Variants in ADGRE3 observed in about 807,000 individuals in gnomAD.
ADGRE3 encodes adhesion G protein-coupled receptor E3.
Under a neutral mutation model 80.1 loss-of-function variants are expected in ADGRE3, and 88 were observed. That is an observed-to-expected ratio of 1.10 (90% CI 0.93 to 1.31). ADGRE3 has a LOEUF of 1.31. Among genes scored for constraint, ADGRE3 ranks in the 40% most tolerant of loss-of-function variants. The pLI is 0.00. For missense variants in ADGRE3, 715 were observed against 776.5 expected (o/e 0.92, Z 0.94); for synonymous variants, 281 against 294.8 (o/e 0.95, Z 0.48).
chr19:14,617,341 C>CCTCCCTCCCTCTCTCT, downstream of ADGRE3, among the ~76,000 whole-genome samples: 3 of 57,170 alleles, frequency 5.2e-5, no homozygotes, highest in Non-Finnish European at 7.3e-5. Flanking sequence ...TCCCTCCCTC[C>CCTCCCTCCCTCTCTCT]CTTTCTTTCT....
At chr19:14,665,936 G>GTATATATATGTATATATA (rs71166783) in intron 2 of ADGRE3, among the ~76,000 whole-genome samples, 7 of 42,098 alleles carry the variant, frequency 1.7e-4, no homozygotes, top group African/African-American at 8.0e-4. Flanking sequence ...ACACATATGT[G>GTATATATATGTATATATA]TATATATATA....
intron 9 of ADGRE3, among the ~76,000 whole-genome samples, chr19:14,642,759 T>C (rs1042475225): frequency 1.3e-5 from 2 of 152,224 alleles, no homozygotes; most frequent in African/African-American, 4.8e-5. Context: ...TCTCATTCTT[T>C]TTTATGGCTG....
chr19:14,648,634 T>C (rs1389916640), intron 7 of ADGRE3, among the ~76,000 whole-genome samples: 1 of 152,186 alleles, frequency 6.6e-6, no homozygotes, highest in Non-Finnish European at 1.5e-5. Flanking sequence ...CATGAAGGTG[T>C]TTTAAAGATG....
chr19:14,653,745 T>C (rs1971669493), intron 6 of ADGRE3, among the ~76,000 whole-genome samples: 1 of 151,772 alleles, frequency 6.6e-6, no homozygotes, highest in Non-Finnish European at 1.5e-5. Context: ...GCTAATATTA[T>C]CCTCATTTTA....
At chr19:14,629,578 T>C (rs1970823323) in intron 14 of ADGRE3, among the ~76,000 whole-genome samples, 2 of 151,866 alleles carry the variant, frequency 1.3e-5, no homozygotes, top group Non-Finnish European at 2.9e-5. Context: ...TGCTGGGGAG[T>C]TGCTCCCCCT....
the ADGRE3 span, among the ~76,000 whole-genome samples, chr19:14,605,087 C>T: frequency 6.6e-6 from 1 of 151,378 alleles, no homozygotes; most frequent in Non-Finnish European, 1.5e-5. Context: ...AATCCCAGCA[C>T]TTTGACCTCC....
chr19:14,662,483 T>TCAAGCGATTCTCCTGCCTC (rs1324289422), intron 3 of ADGRE3, among the ~76,000 whole-genome samples: 1 of 152,068 alleles, frequency 6.6e-6, no homozygotes. Flanking sequence ...CCTCCTGAGT[T>TCAAGCGATTCTCCTGCCTC]CAAGCGATTC....
the ADGRE3 span, among the ~76,000 whole-genome samples, chr19:14,611,512 G>A: frequency 6.6e-6 from 1 of 151,590 alleles, no homozygotes; most frequent in African/African-American, 2.4e-5. Context: ...CAAGTAGCTG[G>A]GACTACAGGC....
intron 11 of ADGRE3, 25 bp from the exon 12 acceptor site, chr19:14,633,327 C>G (rs371566047): frequency 6.3e-7 from 1 of 1,576,088 alleles, no homozygotes; most frequent in East Asian, 2.2e-5. Context: ...AAAAGAGATA[C>G]AAAGAGAGAT....
At chr19:14,666,134 G>T (rs892354858) in intron 2 of ADGRE3, among the ~76,000 whole-genome samples, 3 of 150,826 alleles carry the variant, frequency 2.0e-5, no homozygotes, top group African/African-American at 4.9e-5. Context: ...GGGATTCCCG[G>T]ATCAAATGGT....
chr19:14,650,036 A>G (rs1276872580), intron 7 of ADGRE3, among the ~76,000 whole-genome samples: 1 of 95,688 alleles, frequency 1.0e-5, no homozygotes, highest in African/African-American at 4.3e-5. Flanking sequence ...CTCTCTCCCC[A>G]TCCCTCTCTT....
At chr19:14,601,111 C>T in the ADGRE3 span, among the ~76,000 whole-genome samples, 3 of 151,430 alleles carry the variant, frequency 2.0e-5, no homozygotes, top group African/African-American at 7.3e-5. Flanking sequence ...CCATGTTGGC[C>T]AGGCTGTTCT....
At chr19:14,673,581 A>G (rs1972312689) in intron 1 of ADGRE3, among the ~76,000 whole-genome samples, 1 of 152,180 alleles carries the variant, frequency 6.6e-6, no homozygotes, top group Non-Finnish European at 1.5e-5. Flanking sequence ...CAGCTCTCTT[A>G]TTTACTAGCT....
At chr19:14,651,289 C>A in intron 6 of ADGRE3, 85 bp from the exon 7 acceptor site, 2 of 1,455,930 alleles carry the variant, frequency 1.4e-6, no homozygotes, top group South Asian at 1.2e-5. Flanking sequence ...GTGGTGCATG[C>A]CTGTAGTCCC....
chr19:14,658,454 A>G, intron 5 of ADGRE3, 59 bp downstream of exon 5: 1 of 1,379,760 alleles, frequency 7.2e-7, no homozygotes, highest in South Asian at 1.5e-5. Context: ...TGGGCTTTGT[A>G]AATATTTGTT....
At chr19:14,632,194 A>G (rs915459032) in intron 13 of ADGRE3, among the ~76,000 whole-genome samples, 39 of 152,266 alleles carry the variant, frequency 2.6e-4, no homozygotes, top group African/African-American at 9.1e-4. Flanking sequence ...ATTGATCTCT[A>G]TTGGCTGGGG....
intron 2 of ADGRE3, among the ~76,000 whole-genome samples, chr19:14,665,940 A>G (rs1481335009): frequency 5.7e-5 from 5 of 88,400 alleles, no homozygotes; most frequent in Middle Eastern, 5.2e-3. Flanking sequence ...ATATGTGTAT[A>G]TATATATATA....
chr19:14,642,538 G>A (rs1971282542), intron 9 of ADGRE3, among the ~76,000 whole-genome samples: 1 of 152,142 alleles, frequency 6.6e-6, no homozygotes, highest in Non-Finnish European at 1.5e-5. Context: ...CAGGTATTAA[G>A]CTTAGTACCC....
At chr19:14,660,408 C>A (rs1019453374) in intron 4 of ADGRE3, among the ~76,000 whole-genome samples, 1 of 152,110 alleles carries the variant, frequency 6.6e-6, no homozygotes, top group Non-Finnish European at 1.5e-5. Flanking sequence ...AGAAGGATCG[C>A]TTGAGACCAG....
Sources: allele counts gnomAD v4.1 joint callset (sites outside exome capture counted in the v4.1 genomes callset), GRCh38; gene constraint gnomAD v4.1.1; transcripts MANE v1.5; gene names NCBI Gene and HGNC (gene_info 2026-07-23, HGNC 2026-07-21).